Variants in EGFLAM observed in about 807,000 individuals in gnomAD.
EGFLAM encodes the protein EGF like, fibronectin type III and laminin G domains, also known as pikachurin.
A neutral mutation model predicts 113.1 loss-of-function variants in EGFLAM; 79 were observed. The observed-to-expected ratio is 0.70, with a 90% CI of 0.58 to 0.84. The LOEUF (loss-of-function observed/expected upper bound fraction) is 0.84, where lower values mean the gene tolerates loss of function less well. Among genes scored for constraint, EGFLAM ranks in the 40% least tolerant of loss-of-function variants. The pLI, the probability that EGFLAM is intolerant of heterozygous loss-of-function variation, is 0.00. For synonymous variants in EGFLAM, 504 were observed against 487.6 expected, an observed-to-expected ratio of 1.03 and a Z score of -0.44; for missense variants, 1,265 against 1,291.6, an observed-to-expected ratio of 0.98 and a Z score of 0.32.
At chr5:38,449,694 A>G (rs554698622) in intron 18 of EGFLAM, among the ~76,000 whole-genome samples, 24 of 149,674 alleles carry the variant, frequency 1.6e-4, no homozygotes, top group Admixed American at 2.6e-4. Flanking sequence ...GTGTGTGTGT[A>G]TGTATATGAA....
intron 1 of EGFLAM, among the ~76,000 whole-genome samples, chr5:38,317,126 A>C (rs1292962370): frequency 6.6e-6 from 1 of 152,198 alleles, no homozygotes; most frequent in Non-Finnish European, 1.5e-5. Flanking sequence ...ATGATCTTGA[A>C]CATGTCAAAA....
At chr5:38,413,025 T>C (rs922379104) in intron 11 of EGFLAM, among the ~76,000 whole-genome samples, 1 of 151,892 alleles carries the variant, frequency 6.6e-6, no homozygotes, top group Admixed American at 6.6e-5. Flanking sequence ...AACCCATTAT[T>C]ACTATTATTA....
At chr5:38,379,163 T>A (rs1185593678) in intron 6 of EGFLAM, among the ~76,000 whole-genome samples, 1 of 152,134 alleles carries the variant, frequency 6.6e-6, no homozygotes, top group Non-Finnish European at 1.5e-5. Flanking sequence ...ACCGGAATCA[T>A]TAGGATGGGA....
At chr5:38,282,004 T>C (rs1458868363) in intron 1 of EGFLAM, among the ~76,000 whole-genome samples, 1 of 152,196 alleles carries the variant, frequency 6.6e-6, no homozygotes, top group Non-Finnish European at 1.5e-5. Context: ...CTCATATTAC[T>C]TTAGTGAGTT....
chr5:38,346,332 T>C (rs1739471519), intron 3 of EGFLAM, among the ~76,000 whole-genome samples: 1 of 152,258 alleles, frequency 6.6e-6, no homozygotes, highest in African/African-American at 2.4e-5. Flanking sequence ...CATTATTTAA[T>C]ATTTTTTGTA....
chr5:38,316,742 G>A (rs1329493146), intron 1 of EGFLAM, among the ~76,000 whole-genome samples: 5 of 152,106 alleles, frequency 3.3e-5, no homozygotes, highest in East Asian at 1.9e-4. Context: ...CCTGGGACAC[G>A]AGTTCCAACT....
intron 5 of EGFLAM, among the ~76,000 whole-genome samples, chr5:38,358,043 G>A (rs553518124): frequency 9.3e-5 from 14 of 150,460 alleles, no homozygotes; most frequent in African/African-American, 3.4e-4. Context: ...AGCTACTCAG[G>A]AGGCTGAGGC....
intron 9 of EGFLAM, among the ~76,000 whole-genome samples, chr5:38,408,329 C>T (rs552759749): frequency 1.8e-4 from 27 of 152,306 alleles, no homozygotes; most frequent in African/African-American, 5.3e-4. Context: ...CTTTTCTTTA[C>T]GCAAGCCTTG....
At chr5:38,414,675 G>A (rs1741585523) in intron 11 of EGFLAM, among the ~76,000 whole-genome samples, 1 of 152,316 alleles carries the variant, frequency 6.6e-6, no homozygotes, top group Non-Finnish European at 1.5e-5. Flanking sequence ...ACCCAAACTG[G>A]AAGATGACTT....
At chr5:38,264,969 ACT>A (rs1231155000) in intron 1 of EGFLAM, among the ~76,000 whole-genome samples, 1 of 152,046 alleles carries the variant, frequency 6.6e-6, no homozygotes, top group Non-Finnish European at 1.5e-5. Context: ...ATAAGGAAGC[ACT>A]TCTCTCTTTG....
At chr5:38,364,901 C>A (rs1390656975) in intron 5 of EGFLAM, among the ~76,000 whole-genome samples, 1 of 152,110 alleles carries the variant, frequency 6.6e-6, no homozygotes, top group Non-Finnish European at 1.5e-5. Flanking sequence ...ACCCAGCGTC[C>A]TCCAGAAAGC....
intron 3 of EGFLAM, among the ~76,000 whole-genome samples, 177 bp downstream of exon 3, chr5:38,338,958 C>T (rs184528825): frequency 1.3e-4 from 20 of 152,340 alleles, no homozygotes; most frequent in Non-Finnish European, 2.8e-4. Flanking sequence ...CCATCTACAT[C>T]TCTGGAAAAC....
Position 38,400,720 on chromosome 5 carries a change from A to C in EGFLAM, c.713-5406A>C, listed in dbSNP as rs114152577. On this transcript the variant is annotated intron_variant, in intron 6 of 21. Coordinates refer to ENST00000322350, the MANE Select transcript of EGFLAM (RefSeq NM_152403.4). ...GAAATGACTATTATCCTGGATTATT[A>C]TGAGAGAGGGAGTTTGGGATGCTGC... is the stretch of plus-strand genomic sequence containing the variant. Among the ~76,000 whole-genome samples the C allele has an allele frequency of 3.7e-3, 568 of 152,210 alleles. 2 individuals carry two copies. The highest frequency in any genetic ancestry group is 0.013 in the African/African-American group (537 of 41,530).
At position 38,388,933 on chromosome 5, in the gene EGFLAM, C is replaced by CAA. The variant is rs33962258; in HGVS notation, c.713-17185_713-17184dup. On this transcript the variant is annotated intron_variant, in intron 6 of 21. Coordinates refer to ENST00000322350, the MANE Select transcript of EGFLAM (RefSeq NM_152403.4). Reference sequence around the variant, plus strand: ...CTGTCTCAAGAAAAAAAAAAAAAAACAAAAAAAAATGCAAATGAGTTTTTC... The same window carrying CAA: ...CTGTCTCAAGAAAAAAAAAAAAAAACAAAAAAAAAAATGCAAATGAGTTTTTC... 4.7e-3 allele frequency among the ~76,000 whole-genome samples: 658 copies of CAA among 139,592 alleles called. 4 individuals carry two copies. Among genetic ancestry groups the CAA allele is most frequent in the Non-Finnish European group, 8.5e-3 (549 of 64,642 alleles). The allele number at this position is 139,592 out of a possible 152,430, so 91.6% of individuals were successfully genotyped here.
intron 1 of EGFLAM, among the ~76,000 whole-genome samples, chr5:38,332,357 T>C (rs961230960): frequency 6.6e-6 from 1 of 152,090 alleles, no homozygotes; most frequent in Non-Finnish European, 1.5e-5. Context: ...CCATGGGAGT[T>C]TGTTGTACAT....
intron 4 of EGFLAM, 36 bp from the exon 5 acceptor site, chr5:38,352,160 C>T (rs771751968): frequency 1.9e-6 from 3 of 1,613,206 alleles, no homozygotes; most frequent in Non-Finnish European, 2.5e-6. Flanking sequence ...GCTGAGACCA[C>T]CAGCCTAGTC....
chr5:38,357,153 G>A (rs74345436), intron 5 of EGFLAM, among the ~76,000 whole-genome samples: 10,634 of 152,270 alleles, frequency 0.07, 431 homozygotes, highest in South Asian at 0.13. Context: ...CTGCTCAGGT[G>A]GCTGAGGCAG....
chr5:38,358,549 G>A (rs1025799784), intron 5 of EGFLAM, among the ~76,000 whole-genome samples: 1 of 151,660 alleles, frequency 6.6e-6, no homozygotes, highest in Non-Finnish European at 1.5e-5. Context: ...TAGACGTTAT[G>A]CATAATATGA....
intron 5 of EGFLAM, among the ~76,000 whole-genome samples, chr5:38,358,476 C>T (rs983170945): frequency 1.4e-5 from 2 of 144,694 alleles, no homozygotes; most frequent in African/African-American, 5.0e-5. Context: ...AAAGATTAAC[C>T]TGAAAAATTG....
Sources: gnomAD v4.1 joint callset for allele counts (sites outside exome capture counted in the v4.1 genomes callset) on GRCh38, gnomAD v4.1.1 for gene constraint, MANE v1.5 for transcripts, NCBI Gene and HGNC (gene_info 2026-07-23, HGNC 2026-07-21) for gene names.